The following NRXN1 variants were observed in gnomAD, a reference collection of about 807,000 sequenced individuals.
The protein encoded by NRXN1 is neurexin-1.
NRXN1 carries 39 observed loss-of-function variants against 150.9 expected under a neutral mutation model. The ratio of observed to expected loss-of-function variants is 0.26; its 90% confidence interval spans 0.20 to 0.34. NRXN1 has a LOEUF of 0.34. NRXN1 is among the 10% of genes least tolerant of loss of function. The pLI is 1.00. For synonymous variants in NRXN1, 924 were observed against 757.0 expected (o/e 1.22, Z -3.62); for missense variants, 1,815 against 1,949.9 (o/e 0.93, Z 1.30).
chr2:50,285,974 A>C (rs1343492202), intron 17 of NRXN1, among the ~76,000 whole-genome samples: 2 of 152,136 alleles, frequency 1.3e-5, no homozygotes, highest in Admixed American at 1.3e-4. Context: ...CTACCTAAGA[A>C]AAGATATATC....
rs569732025 is a variant in NRXN1 at position 50,384,177 on chromosome 2, T to C, written c.3364+81265A>G. Among the ~76,000 whole-genome samples, 4 of 152,278 alleles carry C rather than the reference T, an allele frequency of 2.6e-5. No individual in the cohort carries two copies. In the South Asian group the frequency reaches 6.2e-4, roughly 24 times the overall value. ...AAATTAGCTAGTAAATGTTTTCCTA[T>C]CTATTGACACAAAGTAAAATTATGA... On this transcript the variant is annotated intron_variant, in intron 17 of 22. Coordinates refer to ENST00000401669, the MANE Select transcript of NRXN1 (RefSeq NM_001330078.2).
At chr2:50,300,386 G>A (rs1651809376) in intron 17 of NRXN1, among the ~76,000 whole-genome samples, 1 of 152,168 alleles carries the variant, frequency 6.6e-6, no homozygotes, top group African/African-American at 2.4e-5. Context: ...TGGAAAAACA[G>A]AGATACTACA....
At chr2:50,071,333 A>T (rs1696266707) in intron 19 of NRXN1, among the ~76,000 whole-genome samples, 2 of 152,190 alleles carry the variant, frequency 1.3e-5, no homozygotes, top group Non-Finnish European at 2.9e-5. Flanking sequence ...TTTATCCCCC[A>T]AATTCATATG....
At chr2:50,814,496 G>A (rs1307722639) in intron 5 of NRXN1, among the ~76,000 whole-genome samples, 2 of 152,030 alleles carry the variant, frequency 1.3e-5, no homozygotes, top group Admixed American at 6.6e-5. Context: ...AAAGAAGTTG[G>A]GTAGTACCTC....
At chr2:50,801,554 A>G (rs923112885) in intron 5 of NRXN1, among the ~76,000 whole-genome samples, 6 of 152,154 alleles carry the variant, frequency 3.9e-5, no homozygotes, top group Non-Finnish European at 7.3e-5. Flanking sequence ...CATTATACCT[A>G]TGACACAAGC....
chr2:50,893,962 A>G (rs927554574), intron 5 of NRXN1, among the ~76,000 whole-genome samples: 7 of 152,030 alleles, frequency 4.6e-5, no homozygotes, highest in African/African-American at 1.7e-4. Context: ...ATAGTATTCC[A>G]TGGTGTATAT....
chr2:50,311,176 T>A (rs2075149840), intron 17 of NRXN1, among the ~76,000 whole-genome samples: 1 of 152,130 alleles, frequency 6.6e-6, no homozygotes, highest in Non-Finnish European at 1.5e-5. Flanking sequence ...GATCATGTTG[T>A]CAAGGGTACC....
intron 2 of NRXN1, among the ~76,000 whole-genome samples, chr2:50,987,272 A>T (rs945177229): frequency 6.6e-6 from 1 of 151,954 alleles, no homozygotes; most frequent in Non-Finnish European, 1.5e-5. Flanking sequence ...ATTCAATATA[A>T]AATAAAAAAG....
At chr2:50,801,033 T>C (rs536304959) in intron 5 of NRXN1, among the ~76,000 whole-genome samples, 2 of 152,326 alleles carry the variant, frequency 1.3e-5, no homozygotes, top group South Asian at 2.1e-4. Flanking sequence ...ATTAAACTAA[T>C]TTAATTGCAT....
rs186279059 is a variant in NRXN1, at chr2:50,388,361, C to G, written c.3364+77081G>C. On this transcript the variant is annotated intron_variant, in intron 17 of 22. Coordinates refer to ENST00000401669, the MANE Select transcript of NRXN1 (RefSeq NM_001330078.2). ...CATCAAATATGATTCTAGTTCTAAT[C>G]TCTTTGACGATCTTCTAGAGGTCAT... Among the ~76,000 whole-genome samples, 230 of 152,224 alleles carry G rather than the reference C, an allele frequency of 1.5e-3. 1 individual carries two copies. Among genetic ancestry groups the G allele is most frequent in the Non-Finnish European group, 2.0e-3 (136 of 68,008 alleles).
intron 18 of NRXN1, among the ~76,000 whole-genome samples, chr2:50,214,796 TA>T (rs2063283156): frequency 6.6e-6 from 1 of 152,042 alleles, no homozygotes; most frequent in African/African-American, 2.4e-5. Context: ...CATAGCTCTG[TA>T]TTGCACCATG....
chr2:50,032,617 C>A (rs1689347936), intron 21 of NRXN1, among the ~76,000 whole-genome samples: 1 of 151,878 alleles, frequency 6.6e-6, no homozygotes. Context: ...AGGTTGAAAC[C>A]CTAACCCCCA....
chr2:50,388,358 A>G (rs972197446), intron 17 of NRXN1, among the ~76,000 whole-genome samples: 2 of 152,156 alleles, frequency 1.3e-5, no homozygotes, highest in Admixed American at 6.5e-5. Flanking sequence ...TTCTAGTTCT[A>G]ATCTCTTTGA....
At chr2:50,806,266 T>C (rs1487246796) in intron 5 of NRXN1, among the ~76,000 whole-genome samples, 1 of 152,138 alleles carries the variant, frequency 6.6e-6, no homozygotes, top group Non-Finnish European at 1.5e-5. Flanking sequence ...TCAGCTTGAG[T>C]TGGAGAAATT....
chr2:49,970,675 C>T (rs1390921287), intron 21 of NRXN1: 1 of 152,064 alleles, frequency 6.6e-6, no homozygotes, highest in Non-Finnish European at 1.5e-5. Context: ...CTGGTCAATA[C>T]TGGTAACTCT....
chr2:50,132,997 G>T lies in NRXN1; in HGVS notation c.3547-41503C>A, dbSNP rs1326891974. Among the ~76,000 whole-genome samples the T allele has an allele frequency of 2.0e-5, 3 of 151,944 alleles. 1 individual carries two copies. The highest frequency in any genetic ancestry group is 2.0e-4 in the Admixed American group (3 of 15,244). On this transcript the variant is annotated intron_variant, in intron 18 of 22. Transcript: ENST00000401669. ...AAGGAGCTGCGTAACATTATACTTC[G>T]TTTGGGTGTATCTTAGGAAGAGATC...
In NRXN1 at chr2:50,962,332, T is replaced by C. The variant is rs186847902; in HGVS notation, c.773-36377A>G. Among the ~76,000 whole-genome samples, 3 of 151,858 alleles carry C rather than the reference T, an allele frequency of 2.0e-5. No individual in the cohort carries two copies. The East Asian group carries it at 5.8e-4, about 29-fold the overall frequency. On this transcript the variant is annotated intron_variant, in intron 2 of 22. Coordinates refer to ENST00000401669, the MANE Select transcript of NRXN1 (RefSeq NM_001330078.2). ...TCTGATTATCTTCCTGAGTATCCCT[T>C]GAGGCCTCTTGTTTCTTTTTTAGTA...
chr2:50,963,899 G>A (rs1007983907), intron 2 of NRXN1: 5 of 351,474 alleles, frequency 1.4e-5, no homozygotes, highest in Admixed American at 1.4e-4. Flanking sequence ...ATAAATATTT[G>A]TTTAATGAAT....
At chr2:50,016,651 CACTT>C (rs1217737851) in intron 21 of NRXN1, 19 of 152,114 alleles carry the variant, frequency 1.2e-4, no homozygotes, top group Non-Finnish European at 2.4e-4. Flanking sequence ...TGTGAGAACT[CACTT>C]ACTATCACGA....
Sources: gnomAD v4.1 joint callset for allele counts (sites outside exome capture counted in the v4.1 genomes callset) on GRCh38, gnomAD v4.1.1 for gene constraint, MANE v1.5 for transcripts, NCBI Gene and HGNC (gene_info 2026-07-23, HGNC 2026-07-21) for gene names.